DIAPH3: variants seen among roughly 807,000 people sequenced by gnomAD.
DIAPH3 encodes the protein protein diaphanous homolog 3.
In DIAPH3, 117 loss-of-function variants were observed where a neutral mutation model predicts 144.3. The observed-to-expected ratio is 0.81, with a 90% CI of 0.70 to 0.95. The LOEUF (loss-of-function observed/expected upper bound fraction) is 0.95, where lower values mean the gene tolerates loss of function less well. DIAPH3 is among the 40% of genes least tolerant of loss of function. The pLI is 0.00. For missense variants in DIAPH3, 1,421 were observed against 1,412.7 expected (o/e 1.01, Z -0.09); for synonymous variants, 519 against 488.9 (o/e 1.06, Z -0.81).
chr13:59,993,713 A>AAAAAAAAAC (rs1258584390), intron 9 of DIAPH3, among the ~76,000 whole-genome samples: 3 of 150,094 alleles, frequency 2.0e-5, no homozygotes, highest in African/African-American at 7.3e-5. Context: ...AAAAAAAAAA[A>AAAAAAAAAC]AAAAAAAAAC....
rs1271875514 is a variant in DIAPH3, at chr13:59,970,896, C to G, written c.1915G>C (p.Glu639Gln). The change falls in exon 16 of 28, where the codon GAA (glutamate) becomes CAA (glutamine). Residue 639 changes from glutamate (E) to glutamine (Q), a missense_variant. Physicochemically the swap from Glu to Gln is conservative, Grantham distance 29. Coordinates refer to ENST00000400324, the MANE Select transcript of DIAPH3 (RefSeq NM_001042517.2). ...CTCATGCTGATTTCAGGTTTAAATT[C>G]TTTCTTTGGTTTCAACCCAAATGGC... is the stretch of plus-strand genomic sequence containing the variant. ...ILPFGLKPKK[E>Q]FKPEISMRRL... is the part of the protein sequence containing the mutation. 1 of 1,613,522 alleles carries G rather than the reference C, an allele frequency of 6.2e-7. No homozygotes were observed. Among genetic ancestry groups the G allele is most frequent in the South Asian group, 1.1e-5 (1 of 91,008 alleles).
intron 23 of DIAPH3, among the ~76,000 whole-genome samples, chr13:59,836,225 T>C (rs1268493540): frequency 6.6e-6 from 1 of 151,770 alleles, no homozygotes; most frequent in Non-Finnish European, 1.5e-5. Flanking sequence ...ATAAGACATA[T>C]CACAGAATTT....
chr13:60,003,771 G>A (rs936195612), intron 9 of DIAPH3, among the ~76,000 whole-genome samples: 6 of 151,686 alleles, frequency 4.0e-5, no homozygotes, highest in African/African-American at 1.5e-4. Context: ...TAGTAGAGAC[G>A]GGGTTTCACC....
intron 27 of DIAPH3, among the ~76,000 whole-genome samples, chr13:59,678,974 A>T (rs938205980): frequency 2.6e-5 from 4 of 152,220 alleles, no homozygotes; most frequent in African/African-American, 7.2e-5. Context: ...TTATTTCTAT[A>T]ACTAGCATAT....
chr13:59,965,565 T>A (rs2050000096), intron 17 of DIAPH3, among the ~76,000 whole-genome samples: 1 of 151,350 alleles, frequency 6.6e-6, no homozygotes, highest in Non-Finnish European at 1.5e-5. Context: ...AATACATAGG[T>A]CATTAGCATT....
At chr13:60,161,245 A>C (rs926140682) in intron 1 of DIAPH3, among the ~76,000 whole-genome samples, 9 of 152,214 alleles carry the variant, frequency 5.9e-5, no homozygotes, top group Admixed American at 5.2e-4. Context: ...CACTTCATCC[A>C]ATCAAGAAAA....
At chr13:59,964,846 C>T (rs1248704543) in intron 17 of DIAPH3, among the ~76,000 whole-genome samples, 2 of 152,162 alleles carry the variant, frequency 1.3e-5, no homozygotes, top group Non-Finnish European at 2.9e-5. Context: ...TCTCTACTGA[C>T]TTTCTCCCCA....
chr13:60,154,887 T>G (rs1951949088), intron 1 of DIAPH3, among the ~76,000 whole-genome samples: 1 of 152,232 alleles, frequency 6.6e-6, no homozygotes, highest in East Asian at 1.9e-4. Context: ...GGATACTATG[T>G]GCTAAGTTAA....
At position 59,980,950 on chromosome 13, in the gene DIAPH3, ATAAT is replaced by A. The variant is rs896404639; in HGVS notation, c.1481-95_1481-92del. The stretch of plus-strand genomic sequence containing the variant: ...TTAGAAAGAAAAAAGATCATAGAAA[ATAAT>A]TAAATACTGATACTACCAGTAATAA... On this transcript the variant is annotated intron_variant, in intron 13 of 27. Coordinates refer to ENST00000400324, the MANE Select transcript of DIAPH3 (RefSeq NM_001042517.2). 4.8e-6 allele frequency: 5 copies of A among 1,046,716 alleles called. No individual in the cohort carries two copies. The African/African-American group carries it at 6.4e-5, about 13-fold the overall frequency. The allele number at this position is 1,046,716 out of a possible 1,614,324, so 64.8% of individuals were successfully genotyped here. A position where few individuals can be genotyped will look rare whatever the true frequency, so the allele number is the denominator to read the frequency against.
intron 17 of DIAPH3, among the ~76,000 whole-genome samples, chr13:59,960,496 C>T (rs1409995165): frequency 2.0e-5 from 3 of 152,122 alleles, no homozygotes; most frequent in Non-Finnish European, 4.4e-5. Context: ...AGTTATCACG[C>T]CTCCTGCAAA....
chr13:59,705,424 T>C (rs1177344452), intron 27 of DIAPH3, among the ~76,000 whole-genome samples: 2 of 152,222 alleles, frequency 1.3e-5, no homozygotes, highest in African/African-American at 2.4e-5. Flanking sequence ...TTGTTTTCAA[T>C]GGTGGCAAAA....
intron 24 of DIAPH3, among the ~76,000 whole-genome samples, chr13:59,815,077 A>C (rs565241874): frequency 1.3e-3 from 193 of 152,334 alleles, no homozygotes; most frequent in African/African-American, 4.0e-3. Flanking sequence ...CATTTTAAAA[A>C]TCCATTCATT....
At chr13:59,962,719 A>G (rs1183600215) in intron 17 of DIAPH3, among the ~76,000 whole-genome samples, 2 of 152,102 alleles carry the variant, frequency 1.3e-5, no homozygotes, top group Non-Finnish European at 2.9e-5. Context: ...CCCTTAAAAA[A>G]AAACACATTT....
chr13:60,154,880 T>C (rs73203982), intron 1 of DIAPH3, among the ~76,000 whole-genome samples: 1 of 152,222 alleles, frequency 6.6e-6, no homozygotes, highest in African/African-American at 2.4e-5. Context: ...GTTTAGAGGA[T>C]ACTATGTGCT....
At chr13:60,111,936 CT>C (rs2058580101) in intron 3 of DIAPH3, 73 bp downstream of exon 3, 2 of 1,506,426 alleles carry the variant, frequency 1.3e-6, no homozygotes, top group African/African-American at 2.8e-5. Context: ...ACCAAAAATG[CT>C]TAGAGTTCCA....
chr13:59,842,235 ATATAT>A (rs932574573), intron 22 of DIAPH3, among the ~76,000 whole-genome samples: 1 of 151,966 alleles, frequency 6.6e-6, no homozygotes, highest in Non-Finnish European at 1.5e-5. Flanking sequence ...TAAGTACTAT[ATATAT>A]TAAAGTGGTA....
At chr13:59,891,442 T>C (rs1187290872) in intron 20 of DIAPH3, among the ~76,000 whole-genome samples, 1 of 146,998 alleles carries the variant, frequency 6.8e-6, no homozygotes, top group Non-Finnish European at 1.5e-5. Flanking sequence ...CCCCAAAAAT[T>C]ATCATCAAAA....
intron 2 of DIAPH3, 104 bp downstream of exon 2, chr13:60,132,853 T>C (rs948386452): frequency 1.5e-5 from 14 of 928,496 alleles, no homozygotes; most frequent in Non-Finnish European, 2.4e-5. Flanking sequence ...ACGTTTCCAA[T>C]ATATGTGACT....
At chr13:60,015,514 A>G (rs1035891404) in intron 7 of DIAPH3, among the ~76,000 whole-genome samples, 5 of 152,070 alleles carry the variant, frequency 3.3e-5, no homozygotes, top group African/African-American at 9.7e-5. Flanking sequence ...AATAATCATG[A>G]TCTTAAAGCT....
Sources: gnomAD v4.1 joint callset for allele counts (sites outside exome capture counted in the v4.1 genomes callset) on GRCh38, gnomAD v4.1.1 for gene constraint, MANE v1.5 for transcripts, NCBI Gene and HGNC (gene_info 2026-07-23, HGNC 2026-07-21) for gene names.